SGCZ: variants seen among roughly 807,000 people sequenced by gnomAD.
The protein encoded by SGCZ is zeta-sarcoglycan.
SGCZ carries 40 observed loss-of-function variants against 41.3 expected under a neutral mutation model. The observed-to-expected ratio is 0.97, with a 90% CI of 0.75 to 1.26. SGCZ has a LOEUF of 1.26. SGCZ is among the 50% of genes most tolerant of loss of function. The pLI is 0.00. For missense variants in SGCZ, 552 were observed against 369.8 expected (o/e 1.49, Z -4.04); for synonymous variants, 206 against 137.5 (o/e 1.50, Z -3.49).
intron 1 of SGCZ, among the ~76,000 whole-genome samples, chr8:14,842,846 G>A (rs887389156): frequency 3.9e-5 from 6 of 152,178 alleles, no homozygotes; most frequent in African/African-American, 1.2e-4. Context: ...TTGAAAACGG[G>A]ATGCTCCAGG....
chr8:14,326,787 C>T lies in SGCZ; in HGVS notation c.235-2583G>A, dbSNP rs559455268. Among the ~76,000 whole-genome samples, 24 of 152,242 alleles carry T rather than the reference C, an allele frequency of 1.6e-4. No homozygotes were observed. The South Asian group carries it at 3.7e-3, about 24-fold the overall frequency. On this transcript the variant is annotated intron_variant, in intron 2 of 7. Transcript: ENST00000382080. ...ATTTACACCAGTTTTATAGTATCCT[C>T]TTACATTTTCAAAAATAAAAAGTGG...
chr8:14,367,227 T>C (rs1360099802), intron 2 of SGCZ, among the ~76,000 whole-genome samples: 1 of 152,036 alleles, frequency 6.6e-6, no homozygotes, highest in Non-Finnish European at 1.5e-5. Context: ...TTCCAAGAAG[T>C]TTCTCATCAT....
At chr8:15,071,144 A>C (rs1168362201) in intron 1 of SGCZ, among the ~76,000 whole-genome samples, 1 of 152,150 alleles carries the variant, frequency 6.6e-6, no homozygotes, top group East Asian at 1.9e-4. Flanking sequence ...TTCCCTATTT[A>C]ATTTATAGTC....
intron 1 of SGCZ, among the ~76,000 whole-genome samples, chr8:14,915,972 C>G (rs1799424502): frequency 6.6e-6 from 1 of 152,086 alleles, no homozygotes; most frequent in African/African-American, 2.4e-5. Context: ...TTCCAGCAGA[C>G]TGTTAAAAAA....
chr8:14,199,356 C>G (rs866943241), intron 4 of SGCZ, among the ~76,000 whole-genome samples: 7 of 152,162 alleles, frequency 4.6e-5, no homozygotes, highest in Admixed American at 1.3e-4. Flanking sequence ...GTTGTCTGCT[C>G]TCAAATTCTG....
At chr8:14,859,359 T>C (rs968755167) in intron 1 of SGCZ, among the ~76,000 whole-genome samples, 1 of 152,030 alleles carries the variant, frequency 6.6e-6, no homozygotes, top group African/African-American at 2.4e-5. Context: ...AGCAATTTAA[T>C]CTACCATAAC....
At chr8:14,430,110 C>T (rs1043375930) in intron 2 of SGCZ, among the ~76,000 whole-genome samples, 12 of 152,054 alleles carry the variant, frequency 7.9e-5, no homozygotes, top group African/African-American at 2.9e-4. Flanking sequence ...CAGAATTCTG[C>T]AAGACATTCA....
intron 1 of SGCZ, among the ~76,000 whole-genome samples, chr8:14,907,791 T>C (rs1585368347): frequency 6.6e-6 from 1 of 152,312 alleles, no homozygotes; most frequent in Non-Finnish European, 1.5e-5. Flanking sequence ...ATTCACTAAC[T>C]TTTCTGCAAA....
In SGCZ at chr8:14,108,163, C is replaced by T. The variant is rs755364582; in HGVS notation, c.620G>A (p.Arg207Lys). 6.2e-7 allele frequency: 1 copy of T among 1,613,918 alleles called. No homozygotes were observed. The highest frequency in any genetic ancestry group is 8.5e-7 in the Non-Finnish European group (1 of 1,179,966). ...HIRAEPSQDL[R>K]LESPTRSLIM... Reference sequence around the variant, plus strand: ...CACAGGTATAAGAGGAAGCCCTTACCTGAGATCTTGGGATGGCTCTGCTCT... The same window carrying T: ...CACAGGTATAAGAGGAAGCCCTTACTTGAGATCTTGGGATGGCTCTGCTCT... Residue 207 changes from arginine to lysine, a missense_variant and splice_region_variant, in exon 6 of 8, where the codon AGG becomes AAG. Coordinates refer to ENST00000382080, the MANE Select transcript of SGCZ (RefSeq NM_139167.4).
chr8:14,912,802 A>C (rs536576093), intron 1 of SGCZ, among the ~76,000 whole-genome samples: 133 of 152,236 alleles, frequency 8.7e-4, no homozygotes, highest in African/African-American at 2.5e-3. Context: ...TGAGTTAAAC[A>C]GTATCTCAAC....
intron 1 of SGCZ, among the ~76,000 whole-genome samples, chr8:14,589,579 T>G (rs1219719016): frequency 6.6e-6 from 1 of 152,132 alleles, no homozygotes; most frequent in Non-Finnish European, 1.5e-5. Flanking sequence ...TCTTTAAACT[T>G]TAGATGTCTT....
At chr8:15,078,286 A>G (rs1319928831) in intron 1 of SGCZ, among the ~76,000 whole-genome samples, 2 of 149,854 alleles carry the variant, frequency 1.3e-5, no homozygotes, top group Admixed American at 6.7e-5. Context: ...AAAATCCTGC[A>G]TCAATATTCC....
intron 4 of SGCZ, among the ~76,000 whole-genome samples, chr8:14,167,375 G>C (rs1452796766): frequency 2.0e-5 from 3 of 152,122 alleles, no homozygotes; most frequent in Non-Finnish European, 4.4e-5. Flanking sequence ...AATGTGTCTA[G>C]ATGACTCTGG....
intron 2 of SGCZ, among the ~76,000 whole-genome samples, chr8:14,510,370 G>C (rs10113550): frequency 6.6e-6 from 1 of 151,770 alleles, no homozygotes; most frequent in East Asian, 1.9e-4. Context: ...TAAAGTTAAA[G>C]TTATTGTTTT....
intron 5 of SGCZ, among the ~76,000 whole-genome samples, chr8:14,162,922 C>G (rs919232916): frequency 1.3e-5 from 2 of 152,178 alleles, no homozygotes; most frequent in African/African-American, 4.8e-5. Flanking sequence ...TTGTGCTAGA[C>G]TGCACTGGCA....
intron 1 of SGCZ, among the ~76,000 whole-genome samples, chr8:14,591,143 T>G (rs569415043): frequency 6.6e-6 from 1 of 151,862 alleles, no homozygotes; most frequent in South Asian, 2.1e-4. Flanking sequence ...TTTTATTTTC[T>G]CTCTTCATAA....
At chr8:14,237,490 C>G (rs1426647164) in intron 4 of SGCZ, 102 bp downstream of exon 4, 25 of 1,099,204 alleles carry the variant, frequency 2.3e-5, no homozygotes, top group Middle Eastern at 2.1e-4. Flanking sequence ...CTCAAAACAA[C>G]AACAACAACA....
chr8:14,954,185 A>G (rs532280511), intron 1 of SGCZ, among the ~76,000 whole-genome samples: 3 of 152,316 alleles, frequency 2.0e-5, no homozygotes, highest in Admixed American at 2.0e-4. Context: ...AGAACATAAA[A>G]GATTCCTTAA....
chr8:14,223,844 C>T (rs1806285274), intron 4 of SGCZ, among the ~76,000 whole-genome samples: 1 of 152,106 alleles, frequency 6.6e-6, no homozygotes, highest in Non-Finnish European at 1.5e-5. Context: ...GCTTTTTCTC[C>T]CACTAGGAAA....
Sources: allele counts gnomAD v4.1 joint callset (sites outside exome capture counted in the v4.1 genomes callset), GRCh38; gene constraint gnomAD v4.1.1; transcripts MANE v1.5; gene names NCBI Gene and HGNC (gene_info 2026-07-23, HGNC 2026-07-21).